Variants in FEZF1 observed in about 807,000 individuals in gnomAD.
FEZF1 encodes the protein FEZ family zinc finger 1.
In FEZF1, 8 loss-of-function variants were observed where a neutral mutation model predicts 32.4. The ratio of observed to expected loss-of-function variants is 0.25; its 90% CI spans 0.15 to 0.45. FEZF1 has a LOEUF of 0.45. Among genes scored for constraint, FEZF1 ranks in the 20% least tolerant of loss-of-function variants. The probability of loss-of-function intolerance (pLI) is 1.00; values close to 1 mark genes in which losing one functional copy is unlikely to be tolerated. For synonymous variants in FEZF1, 259 were observed against 265.2 expected, an observed-to-expected ratio of 0.98 and a Z score of 0.23; for missense variants, 546 against 622.3, an observed-to-expected ratio of 0.88 and a Z score of 1.31.
At chr7:122,309,810 A>C (rs1471505392) in intron 1 of FEZF1, 1 of 152,222 alleles carries the variant, frequency 6.6e-6, no homozygotes, top group East Asian at 1.9e-4. Flanking sequence ...CTATTGCTCT[A>C]CACTGAAATA....
In FEZF1 at chr7:122,303,922, C is replaced by T. The variant is rs759927643; in HGVS notation, c.516G>A (p.Pro172=). Residue 172 remains proline (P), a synonymous_variant, in exon 1 of 4, where the codon CCG becomes CCA. Coordinates refer to ENST00000442488, the MANE Select transcript of FEZF1 (RefSeq NM_001024613.4). The part of the protein sequence containing the change: ...YLNRGDGPCH[P]AAGVNIHPVA... ...CCGGGTGGATGTTCACGCCGGCTGC[C>T]GGGTGGCATGGGCCGTCACCTCGGT... The T allele has an allele frequency of 2.5e-6, 4 of 1,611,940 alleles. No homozygotes were observed. The Admixed American group carries it at 5.0e-5, about 20-fold the overall frequency.
In FEZF1 at chr7:122,302,065, G is replaced by T; in HGVS notation, c.1360C>A (p.Pro454Thr). ...PLPQQPPMTL[P>T]PLQPPLPTPG... is the part of the protein sequence containing the mutation. ...GTTGGCAGCGGCGGCTGCAGAGGAG[G>T]CAGCGTCATCGGCGGCTGCTGCGGT... is the stretch of plus-strand genomic sequence containing the variant. The change falls in exon 4 of 4, where the codon CCT becomes ACT. Residue 454 changes from proline to threonine, a missense_variant. Physicochemically the swap from Pro to Thr is conservative, Grantham distance 38. This residue lies in a region of FEZF1 where 83 missense variants were observed against 73.0 expected (regional missense o/e 1.14). Coordinates refer to ENST00000442488, the MANE Select transcript of FEZF1 (RefSeq NM_001024613.4). The surrounding 1 kb of genome is among the most constrained non-coding windows in gnomAD (Gnocchi z 4.4). 6.2e-7 allele frequency: 1 copy of T among 1,607,078 alleles called. No individual in the cohort carries two copies. The highest frequency in any genetic ancestry group is 1.1e-5 in the South Asian group (1 of 90,954).
upstream of FEZF1, chr7:122,309,634 C>T (rs2031372031): frequency 6.6e-6 from 1 of 152,108 alleles, no homozygotes; most frequent in African/African-American, 2.4e-5. Flanking sequence ...CAGGGTTGGA[C>T]TTTATGGAAA....
At position 122,304,414 on chromosome 7, in the gene FEZF1, C is replaced by T. The variant is rs755273006; in HGVS notation, c.24G>A (p.Ala8=). 2.5e-6 allele frequency: 4 copies of T among 1,571,752 alleles called. No homozygotes were observed. Among genetic ancestry groups the T allele is most frequent in the South Asian group, 2.3e-5 (2 of 87,164 alleles). Residue 8 remains alanine (A), a synonymous_variant, in exon 1 of 4, where the codon GCG becomes GCA. Coordinates refer to ENST00000442488, the MANE Select transcript of FEZF1 (RefSeq NM_001024613.4). ...GAGCAGTCGCTAACATTTTGGTAGT[C>T]GCGTTGTGGCAGCTACTGTCCATGT... MDSSCHN[A]TTKMLATAPA...
upstream of FEZF1, among the ~76,000 whole-genome samples, chr7:122,308,833 C>T (rs554028661): frequency 1.3e-5 from 2 of 152,202 alleles, no homozygotes; most frequent in African/African-American, 2.4e-5. Context: ...GGAGGAGAGA[C>T]GAAAGCATTA....
At position 122,301,699 on chromosome 7, in the gene FEZF1, C is replaced by T; in HGVS notation, c.*298G>A. 1 of 357,860 alleles carries T rather than the reference C, an allele frequency of 2.8e-6. No individual in the cohort carries two copies. The highest frequency in any genetic ancestry group is 4.6e-5 in the Admixed American group (1 of 21,674). 22.2% of individuals were successfully genotyped at this position (357,860 alleles called of 1,614,324 possible). On this transcript the variant is annotated 3_prime_UTR_variant, in exon 4 of 4. Coordinates refer to ENST00000442488, the MANE Select transcript of FEZF1 (RefSeq NM_001024613.4). ...ACAAAACAAAATAAACACCATCTCT[C>T]CACCCAAGATGAAAAGTCTTTCCAA...
chr7:122,304,600 C>T lies in FEZF1; in HGVS notation c.-163G>A. The T allele has an allele frequency of 1.9e-6, 1 of 513,906 alleles. No homozygotes were observed. Among genetic ancestry groups the T allele is most frequent in the Admixed American group, 3.0e-5 (1 of 33,288 alleles). 31.8% of individuals were successfully genotyped at this position (513,906 alleles called of 1,614,324 possible). ...TCACCAGCCGAACCTGCCTGCCCAG[C>T]CCAATGGACTCCTGCCAGCCCATCG... On this transcript the variant is annotated 5_prime_UTR_variant, in exon 1 of 4. Transcript: ENST00000442488.
At chr7:122,307,898 G>C (rs1294779659), upstream of FEZF1, among the ~76,000 whole-genome samples, 1 of 152,114 alleles carries the variant, frequency 6.6e-6, no homozygotes, top group Non-Finnish European at 1.5e-5. Flanking sequence ...AATAAGAATT[G>C]TCACAAAACA....
At chr7:122,306,929 C>T (rs965109418), upstream of FEZF1, 7 of 152,132 alleles carry the variant, frequency 4.6e-5, no homozygotes, top group Non-Finnish European at 1.0e-4. Context: ...CGTCCTTGGC[C>T]CGGGTGCACC....
In FEZF1 at chr7:122,303,298, T is replaced by G; in HGVS notation, c.815A>C (p.His272Pro). Residue 272 changes from histidine (H) to proline (P), a missense_variant, in exon 2 of 4, where the codon CAC becomes CCC. Around this residue, in one of 3 missense-constraint regions of FEZF1, gnomAD observed 345 missense variants for 360.6 expected, o/e 0.96. Coordinates refer to ENST00000442488, the MANE Select transcript of FEZF1 (RefSeq NM_001024613.4). The stretch of plus-strand genomic sequence containing the variant: ...TGGCATGTGACGGGTTAAGTTATAG[T>G]GCGCATTAAAGACCTTAAAATTAAA... ...CEVCGKVFNAHYNLTRHMPVH... is the reference protein window; with the variant it reads ...CEVCGKVFNAPYNLTRHMPVH... The G allele has an allele frequency of 6.2e-7, 1 of 1,614,076 alleles. No homozygotes were observed. Among genetic ancestry groups the G allele is most frequent in the Non-Finnish European group, 8.5e-7 (1 of 1,180,028 alleles).
At chr7:122,303,581 G>A (rs2031146042) in intron 1 of FEZF1, 56 bp downstream of exon 1, 3 of 1,255,510 alleles carry the variant, frequency 2.4e-6, no homozygotes, top group East Asian at 2.3e-5. Context: ...AGGGAGGGAA[G>A]GAAGGAAGGA....
chr7:122,309,381 T>C (rs1252202803), upstream of FEZF1, among the ~76,000 whole-genome samples: 6 of 152,306 alleles, frequency 3.9e-5, 1 homozygote, highest in Admixed American at 3.9e-4. Context: ...TTATTTCTTT[T>C]ATATTAGGAT....
rs2031087490 is a variant in FEZF1 at position 122,302,662 on chromosome 7, C to T, written c.1069+137G>A. On this transcript the variant is annotated intron_variant, in intron 3 of 3. Transcript: ENST00000442488. The surrounding 1 kb of genome is among the most constrained non-coding windows in gnomAD (Gnocchi z 4.4). ...ATGCTTTTCTCTAATACTAATCAGA[C>T]TTCGAGTAGGGAGTTAGAATGGCAA... 5 of 973,508 alleles carry T rather than the reference C, an allele frequency of 5.1e-6. No homozygotes were observed. The highest frequency in any genetic ancestry group is 1.6e-6 in the Non-Finnish European group (1 of 635,044). 60.3% of individuals were successfully genotyped at this position (973,508 alleles called of 1,614,324 possible). A position where few individuals can be genotyped will look rare whatever the true frequency, so the allele number is the denominator to read the frequency against.
chr7:122,304,802 T>TC (rs2031222281), upstream of FEZF1: 1 of 195,822 alleles, frequency 5.1e-6, no homozygotes, highest in Non-Finnish European at 1.1e-5. Context: ...TTTTTTTTTT[T>TC]TCATCTGCAG....
At position 122,303,520 on chromosome 7, in the gene FEZF1, A is replaced by AGGGAGGGAG. The variant is rs2031129127; in HGVS notation, c.801+116_801+117insCTCCCTCCC. 9 of 500,100 alleles carry AGGGAGGGAG rather than the reference A, an allele frequency of 1.8e-5. 1 individual carries two copies. Among genetic ancestry groups the AGGGAGGGAG allele is most frequent in the Non-Finnish European group, 3.1e-5 (9 of 294,794 alleles). The allele number at this position is 500,100 out of a possible 1,614,324, so 31.0% of individuals were successfully genotyped here. On this transcript the variant is annotated intron_variant, in intron 1 of 3. Coordinates refer to ENST00000442488, the MANE Select transcript of FEZF1 (RefSeq NM_001024613.4). ...AAGGAAGGAAGGAAGGAAGGAAGGA[A>AGGGAGGGAG]GGAAGGAAGGAAGGAAGGAGGGAGG...
Position 122,302,205 on chromosome 7 carries a change from T to C in FEZF1, c.1220A>G (p.Lys407Arg), listed in dbSNP as rs981632317. Residue 407 changes from lysine (K) to arginine (R), a missense_variant, in exon 4 of 4, where the codon AAG becomes AGG. Physicochemically the swap from Lys to Arg is conservative, Grantham distance 26 (BLOSUM62 2). Transcript: ENST00000442488. This position sits in a 1 kb window ranked among gnomAD's most constrained non-coding sequence, Gnocchi z 4.4. ...KKPFTCPTCG[K>R]GFCRNFDLKK... ...GAGGTCAAAGTTCCTGCAGAAACCCTTGCCGCACGTGGGGCAGGTGAAAGG... is the reference window on the plus strand; with the variant it reads ...GAGGTCAAAGTTCCTGCAGAAACCCCTGCCGCACGTGGGGCAGGTGAAAGG... 5.0e-6 allele frequency: 8 copies of C among 1,614,036 alleles called. No individual in the cohort carries two copies. Among genetic ancestry groups the C allele is most frequent in the Non-Finnish European group, 6.8e-6 (8 of 1,180,034 alleles).
At chr7:122,305,408 A>G (rs1487593392), upstream of FEZF1, 1 of 152,258 alleles carries the variant, frequency 6.6e-6, no homozygotes, top group Non-Finnish European at 1.5e-5. Flanking sequence ...TAAAAGCCTT[A>G]GGAGGCTTGT....
In FEZF1 at chr7:122,302,217, G is replaced by T. The variant is rs757482017; in HGVS notation, c.1208C>A (p.Pro403His). The change falls in exon 4 of 4, where the codon CCC (proline) becomes CAC (histidine). Residue 403 changes from proline to histidine, a missense_variant. Around this residue, in one of 3 missense-constraint regions of FEZF1, gnomAD observed 118 missense variants for 188.7 expected, o/e 0.63. Coordinates refer to ENST00000442488, the MANE Select transcript of FEZF1 (RefSeq NM_001024613.4). This position sits in a 1 kb window ranked among gnomAD's most constrained non-coding sequence, Gnocchi z 4.4. Reference protein sequence around the residue: ...THNDKKPFTCPTCGKGFCRNF... With the variant: ...THNDKKPFTCHTCGKGFCRNF... ...CCTGCAGAAACCCTTGCCGCACGTG[G>T]GGCAGGTGAAAGGCTTCTTGTCGTT... 6.2e-7 allele frequency: 1 copy of T among 1,614,206 alleles called. No homozygotes were observed. The highest frequency in any genetic ancestry group is 1.1e-5 in the South Asian group (1 of 91,086).
At chr7:122,303,571 AGGG>A (rs2031144216) in intron 1 of FEZF1, 63 bp downstream of exon 1, 1 of 862,602 alleles carries the variant, frequency 1.2e-6, no homozygotes, top group Non-Finnish European at 1.7e-6. Context: ...GGAGGGAGGG[AGGG>A]AGGGAAGGAA....
Sources: allele counts gnomAD v4.1 joint callset (sites outside exome capture counted in the v4.1 genomes callset), GRCh38; gene constraint gnomAD v4.1.1; regional missense constraint gnomAD v4.1.1; non-coding constraint Gnocchi (gnomAD v3.1); transcripts MANE v1.5; gene names NCBI Gene and HGNC (gene_info 2026-07-23, HGNC 2026-07-21).